The following ASTN1 variants were observed in gnomAD, a reference collection of about 807,000 sequenced individuals.
ASTN1 encodes the protein astrotactin 1.
ASTN1 carries 41 observed loss-of-function variants against 140.7 expected under a neutral mutation model. The observed-to-expected ratio is 0.29, with a 90% confidence interval of 0.23 to 0.38. The LOEUF (loss-of-function observed/expected upper bound fraction) is 0.38, where lower values mean the gene tolerates loss of function less well. ASTN1 is among the 10% of genes least tolerant of loss of function. The probability of loss-of-function intolerance (pLI) is 1.00; values close to 1 mark genes in which losing one functional copy is unlikely to be tolerated. For missense variants in ASTN1, 1,479 were observed against 1,678.8 expected (o/e 0.88, Z 2.08); for synonymous variants, 640 against 652.2 (o/e 0.98, Z 0.29).
At chr1:176,970,545 A>C (rs981810430) in intron 8 of ASTN1, among the ~76,000 whole-genome samples, 7 of 152,082 alleles carry the variant, frequency 4.6e-5, no homozygotes, top group Admixed American at 3.9e-4. Flanking sequence ...GAAAGGGAGA[A>C]GAAATAGAGA....
intron 20 of ASTN1, among the ~76,000 whole-genome samples, chr1:176,878,225 C>G (rs1668645783): frequency 6.6e-6 from 1 of 152,214 alleles, no homozygotes; most frequent in South Asian, 2.1e-4. Flanking sequence ...AGGACTCCTG[C>G]CCCTCCTTGC....
At position 176,862,353 on chromosome 1, in the gene ASTN1, G is replaced by C. The variant is rs1371713236; in HGVS notation, c.*1931C>G. 8 of 985,410 alleles carry C rather than the reference G, an allele frequency of 8.1e-6. No homozygotes were observed. Among genetic ancestry groups the C allele is most frequent in the Non-Finnish European group, 9.6e-6 (8 of 830,016 alleles). The allele number at this position is 985,410 out of a possible 1,614,324, so 61.0% of individuals were successfully genotyped here. On this transcript the variant is annotated 3_prime_UTR_variant, in exon 23 of 23. Transcript: ENST00000361833. ...TCACAGGCTTCCTTCCCAGTCATGA[G>C]GGTGGGGAGGAGGGCCATGTGCAGT...
At chr1:177,029,541 G>A in intron 5 of ASTN1, 93 bp downstream of exon 5, 1 of 1,301,562 alleles carries the variant, frequency 7.7e-7, no homozygotes, top group Non-Finnish European at 1.1e-6. Flanking sequence ...TTGTTCCATA[G>A]AGCCCACAAC....
At chr1:176,992,394 T>C (rs1399679069) in intron 8 of ASTN1, among the ~76,000 whole-genome samples, 1 of 152,028 alleles carries the variant, frequency 6.6e-6, no homozygotes, top group Non-Finnish European at 1.5e-5. Flanking sequence ...ACCTTCTGGG[T>C]TGGATCCTGC....
chr1:177,071,606 T>G (rs1045647899), intron 1 of ASTN1, among the ~76,000 whole-genome samples: 1 of 152,172 alleles, frequency 6.6e-6, no homozygotes, highest in Non-Finnish European at 1.5e-5. Context: ...ACTGCCTTCT[T>G]GCACATACAA....
At chr1:176,947,808 A>G (rs1571552304) in intron 12 of ASTN1, among the ~76,000 whole-genome samples, 1 of 152,292 alleles carries the variant, frequency 6.6e-6, no homozygotes, top group East Asian at 1.9e-4. Context: ...TTTGAGGGGA[A>G]AGATCAGGTC....
intron 20 of ASTN1, among the ~76,000 whole-genome samples, chr1:176,881,425 G>A (rs902285063): frequency 1.4e-4 from 21 of 152,258 alleles, no homozygotes; most frequent in African/African-American, 5.1e-4. Flanking sequence ...TTGTACATTG[G>A]AACTTTGGAA....
chr1:177,136,320 C>T (rs191314864), intron 1 of ASTN1, among the ~76,000 whole-genome samples: 4 of 151,472 alleles, frequency 2.6e-5, no homozygotes, highest in Admixed American at 6.6e-5. Flanking sequence ...TGTGAAATAT[C>T]GTAACTGTGT....
At chr1:177,014,211 C>CA (rs1344402342) in intron 8 of ASTN1, among the ~76,000 whole-genome samples, 2 of 151,862 alleles carry the variant, frequency 1.3e-5, no homozygotes, top group African/African-American at 4.8e-5. Context: ...AAAATAAAAA[C>CA]AAAAAAGGAA....
At chr1:176,936,031 C>A (rs1671428334) in intron 15 of ASTN1, 1 of 586,148 alleles carries the variant, frequency 1.7e-6, no homozygotes. Context: ...CCAGTCTTGC[C>A]CTTTCCCTCT....
chr1:177,108,999 C>CA (rs1435289838), intron 1 of ASTN1, among the ~76,000 whole-genome samples: 20 of 149,704 alleles, frequency 1.3e-4, no homozygotes, highest in African/African-American at 1.7e-4. Flanking sequence ...GAAAAGCACG[C>CA]AAAAAAAGAA....
intron 8 of ASTN1, among the ~76,000 whole-genome samples, chr1:176,985,841 T>TACA (rs1337367143): frequency 7.0e-6 from 1 of 142,304 alleles, no homozygotes; most frequent in Non-Finnish European, 1.5e-5. Context: ...TCTCTCTCTC[T>TACA]CTCTACACAC....
At chr1:176,917,900 T>A (rs193175756) in intron 16 of ASTN1, among the ~76,000 whole-genome samples, 21 of 152,296 alleles carry the variant, frequency 1.4e-4, no homozygotes, top group African/African-American at 5.1e-4. Flanking sequence ...CTTCACAGGG[T>A]GGCGAGAAAA....
At chr1:176,931,041 C>T (rs1290235169) in intron 16 of ASTN1, among the ~76,000 whole-genome samples, 2 of 152,142 alleles carry the variant, frequency 1.3e-5, no homozygotes, top group African/African-American at 2.4e-5. Context: ...AGTCTGGAAA[C>T]GAAGAACCTC....
intron 16 of ASTN1, among the ~76,000 whole-genome samples, chr1:176,921,799 G>A (rs1290834501): frequency 2.0e-5 from 3 of 152,170 alleles, no homozygotes; most frequent in Non-Finnish European, 4.4e-5. Context: ...AAGGAGGGAT[G>A]AGAAGCTGGA....
chr1:176,963,620 T>C (rs1033525274), intron 9 of ASTN1, among the ~76,000 whole-genome samples: 1 of 152,192 alleles, frequency 6.6e-6, no homozygotes, highest in African/African-American at 2.4e-5. Context: ...CTTGTGGGGA[T>C]AGAAACAGTT....
intron 19 of ASTN1, 54 bp from the exon 20 acceptor site, chr1:176,883,048 A>G (rs2103026718): frequency 6.2e-7 from 1 of 1,604,912 alleles, no homozygotes; most frequent in Non-Finnish European, 8.5e-7. Flanking sequence ...CGGCCAAGCA[A>G]TGAGGAGATG....
chr1:177,137,869 T>C (rs1682271239), intron 1 of ASTN1, among the ~76,000 whole-genome samples: 2 of 152,202 alleles, frequency 1.3e-5, no homozygotes, highest in Admixed American at 6.6e-5. Context: ...GCATCCAGTG[T>C]ATTGGAAAAC....
chr1:176,946,769 A>G (rs1386089626), intron 12 of ASTN1, among the ~76,000 whole-genome samples: 1 of 152,170 alleles, frequency 6.6e-6, no homozygotes, highest in Non-Finnish European at 1.5e-5. Context: ...ATTAACCAAC[A>G]ACTGCTTCCT....
Sources: gnomAD v4.1 joint callset for allele counts (sites outside exome capture counted in the v4.1 genomes callset) on GRCh38, gnomAD v4.1.1 for gene constraint, MANE v1.5 for transcripts, NCBI Gene and HGNC (gene_info 2026-07-23, HGNC 2026-07-21) for gene names.